FERMT3: variants seen among roughly 807,000 people sequenced by gnomAD.
The protein encoded by FERMT3 is fermitin family homolog 3.
A neutral mutation model predicts 80.8 loss-of-function variants in FERMT3; 33 were observed. That is an observed-to-expected ratio of 0.41 (90% CI 0.31 to 0.55). The LOEUF (loss-of-function observed/expected upper bound fraction) is 0.55, where lower values mean the gene tolerates loss of function less well. FERMT3 is among the 20% of genes least tolerant of loss of function. FERMT3 has a pLI of 0.31. For missense variants in FERMT3, 754 were observed against 908.7 expected, an observed-to-expected ratio of 0.83 and a Z score of 2.19; for synonymous variants, 375 against 372.2, an observed-to-expected ratio of 1.01 and a Z score of -0.09.
chr11:64,216,413 C>G (rs1946551190), intron 6 of FERMT3, among the ~76,000 whole-genome samples: 1 of 150,030 alleles, frequency 6.7e-6, no homozygotes. Flanking sequence ...ATTGGCCAGG[C>G]TGGTCTCAAA....
rs770718777 is a variant in FERMT3 at position 64,211,630 on chromosome 11, T to G, written c.684-15T>G. 1.9e-6 allele frequency: 3 copies of G among 1,613,032 alleles called. No individual in the cohort carries two copies. Among genetic ancestry groups the G allele is most frequent in the Non-Finnish European group, 2.5e-6 (3 of 1,179,858 alleles). On this transcript the variant is annotated splice_polypyrimidine_tract_variant and intron_variant, in intron 5 of 14. Coordinates refer to ENST00000345728, the MANE Select transcript of FERMT3 (RefSeq NM_031471.6). This position sits in a 1 kb window ranked among gnomAD's most constrained non-coding sequence, Gnocchi z 4.7. ...ACCTGGCGCAGCCCTGACTGCTGCT[T>G]CTGCCGCGGCCCAGGTGGCTGGACT...
upstream of FERMT3, among the ~76,000 whole-genome samples, chr11:64,205,948 G>A (rs551136230): frequency 1.2e-4 from 18 of 152,342 alleles, no homozygotes; most frequent in African/African-American, 4.1e-4. Flanking sequence ...AGCTGGTGGC[G>A]GACGTGCCTT....
rs1946438260 is a variant in FERMT3, at chr11:64,211,499, CCT to C, written c.683+57_683+58del. 4 of 1,527,840 alleles carry C rather than the reference CCT, an allele frequency of 2.6e-6. No homozygotes were observed. In the South Asian group the frequency reaches 3.6e-5, roughly 14 times the overall value. The allele number at this position is 1,527,840 out of a possible 1,614,324, so 94.6% of individuals were successfully genotyped here. The stretch of plus-strand genomic sequence containing the variant: ...GGGCTCCCCCACCCAGGATCCACCC[CCT>C]GTCCCGTGTCTGTGCCCACCCCAGA... On this transcript the variant is annotated intron_variant, in intron 5 of 14. Transcript: ENST00000345728. This position sits in a 1 kb window ranked among gnomAD's most constrained non-coding sequence, Gnocchi z 4.7.
rs1294902127 is a variant in FERMT3 at position 64,219,326 on chromosome 11, G to A, written c.862G>A (p.Glu288Lys). The A allele has an allele frequency of 2.5e-6, 4 of 1,607,838 alleles. No homozygotes were observed. The highest frequency in any genetic ancestry group is 2.2e-5 in the East Asian group (1 of 44,482). The change falls in exon 7 of 15, where the codon GAG (glutamate) becomes AAG (lysine). Residue 288 changes from glutamate (E) to lysine (K), a missense_variant. Transcript: ENST00000345728. This position sits in a 1 kb window ranked among gnomAD's most constrained non-coding sequence, Gnocchi z 4.0. ...DLLLEEIDCT[E>K]EEMMVFAALQ... Reference sequence around the variant, plus strand: ...GCTGCTGGAGGAGATTGACTGCACCGAGGAGGAGATGATGGTGTTTGCCGC... The same window carrying A: ...GCTGCTGGAGGAGATTGACTGCACCAAGGAGGAGATGATGGTGTTTGCCGC...
chr11:64,220,660 G>A lies in FERMT3; in HGVS notation c.1536G>A (p.Lys512=). ...LVAPRFQRKF[K]AKQLTPRILE... is the part of the protein sequence containing the mutation. ...CCCCCCGTTTCCAGCGAAAGTTCAA[G>A]GCCAAGCAGGTACCAGAAGGCGTCA... Residue 512 remains lysine, a synonymous_variant, in exon 12 of 15, where the codon AAG becomes AAA. Transcript: ENST00000345728. 1 of 1,610,730 alleles carries A rather than the reference G, an allele frequency of 6.2e-7. No homozygotes were observed. Among genetic ancestry groups the A allele is most frequent in the Non-Finnish European group, 8.5e-7 (1 of 1,178,942 alleles).
At chr11:64,215,233 A>G (rs1946524926) in intron 6 of FERMT3, among the ~76,000 whole-genome samples, 1 of 152,116 alleles carries the variant, frequency 6.6e-6, no homozygotes, top group Non-Finnish European at 1.5e-5. Context: ...TCCTCCTCCC[A>G]CACCCCGACC....
Position 64,219,540 on chromosome 11 carries a change from T to C in FERMT3, c.911T>C (p.Leu304Pro). ...ACCACCTAGTACCACATCAACAAGC[T>C]GTCCCAGAGCGGGGAGGTGGGGGAG... Reference protein sequence around the residue: ...FAALQYHINKLSQSGEVGEPA... With the variant: ...FAALQYHINKPSQSGEVGEPA... Residue 304 changes from leucine (L) to proline (P), a missense_variant, in exon 8 of 15, where the codon CTG becomes CCG. Transcript: ENST00000345728. The surrounding 1 kb of genome is among the most constrained non-coding windows in gnomAD (Gnocchi z 4.0). 1.2e-6 allele frequency: 2 copies of C among 1,609,252 alleles called. No homozygotes were observed. Among genetic ancestry groups the C allele is most frequent in the Non-Finnish European group, 1.7e-6 (2 of 1,178,650 alleles).
intron 10 of FERMT3, 56 bp from the exon 11 acceptor site, chr11:64,220,164 A>T: frequency 1.3e-6 from 2 of 1,581,836 alleles, no homozygotes; most frequent in Non-Finnish European, 1.7e-6. Context: ...GCACTCCAGG[A>T]CCTCAGGCGG....
chr11:64,221,064 C>T lies in FERMT3; in HGVS notation c.1594C>T (p.Leu532=). The T allele has an allele frequency of 1.9e-6, 3 of 1,612,676 alleles. No homozygotes were observed. Among genetic ancestry groups the T allele is most frequent in the South Asian group, 1.1e-5 (1 of 91,090 alleles). The change falls in exon 13 of 15, where the codon CTG becomes TTG. Residue 532 remains leucine, a synonymous_variant. Transcript: ENST00000345728. ...EAHQNVAQLS[L]AEAQLRFIQA... ...CCACCAGAATGTGGCCCAGTTGTCG[C>T]TGGCAGAGGCCCAGCTGCGCTTCAT...
At position 64,223,137 on chromosome 11, in the gene FERMT3, C is replaced by T; in HGVS notation, c.1760C>T (p.Thr587Ile). 6.2e-7 allele frequency: 1 copy of T among 1,613,960 alleles called. No homozygotes were observed. Among genetic ancestry groups the T allele is most frequent in the Non-Finnish European group, 8.5e-7 (1 of 1,180,044 alleles). Reference sequence around the variant, plus strand: ...TTGGCCGTGGGCGACGTGGTCAAGACCTGGCGTTTCAGCAACATGCGCCAG... The same window carrying T: ...TTGGCCGTGGGCGACGTGGTCAAGATCTGGCGTTTCAGCAACATGCGCCAG... ...IDLAVGDVVK[T>I]WRFSNMRQWN... The change falls in exon 14 of 15, where the codon ACC becomes ATC. Residue 587 changes from threonine to isoleucine, a missense_variant. Physicochemically the swap from Thr to Ile is moderately conservative, Grantham distance 89 (BLOSUM62 -1). Transcript: ENST00000345728.
chr11:64,220,570 C>G lies in FERMT3; in HGVS notation c.1446C>G (p.Gly482=). ...GCCTGCAGCGCACGGGCAGTGGGGG[C>G]CCGGGCAACCACCCCCACGGCCCTG... ...FLSLQRTGSG[G]PGNHPHGPDA... is the part of the protein sequence containing the mutation. Residue 482 remains glycine (G), a synonymous_variant, in exon 12 of 15, where the codon GGC becomes GGG. Coordinates refer to ENST00000345728, the MANE Select transcript of FERMT3 (RefSeq NM_031471.6). 1 of 1,607,860 alleles carries G rather than the reference C, an allele frequency of 6.2e-7. No homozygotes were observed. Among genetic ancestry groups the G allele is most frequent in the Non-Finnish European group, 8.5e-7 (1 of 1,177,530 alleles).
intron 14 of FERMT3, 40 bp from the exon 15 acceptor site, chr11:64,223,273 C>A (rs1326344623): frequency 6.2e-7 from 1 of 1,613,218 alleles, no homozygotes; most frequent in Admixed American, 1.7e-5. Flanking sequence ...GGGCTGCTCC[C>A]TTATCCCACC....
At chr11:64,206,220 C>T (rs946314040), upstream of FERMT3, among the ~76,000 whole-genome samples, 1 of 152,156 alleles carries the variant, frequency 6.6e-6, no homozygotes, top group South Asian at 2.1e-4. Flanking sequence ...TGAAGGTAGC[C>T]CTACGCGGAG....
intron 2 of FERMT3, chr11:64,207,813 C>T (rs1287099067): frequency 1.5e-5 from 5 of 343,316 alleles, no homozygotes; most frequent in South Asian, 3.8e-5. Context: ...TTGTCTGGGC[C>T]GAGGCTGAAG....
rs1946438483 is a variant in FERMT3 at position 64,211,505 on chromosome 11, C to A, written c.683+62C>A. 2 of 1,520,506 alleles carry A rather than the reference C, an allele frequency of 1.3e-6. No individual in the cohort carries two copies. The highest frequency in any genetic ancestry group is 1.8e-6 in the Non-Finnish European group (2 of 1,133,806). 94.2% of individuals were successfully genotyped at this position (1,520,506 alleles called of 1,614,324 possible). A position where few individuals can be genotyped will look rare whatever the true frequency, so the allele number is the denominator to read the frequency against. On this transcript the variant is annotated intron_variant, in intron 5 of 14. Coordinates refer to ENST00000345728, the MANE Select transcript of FERMT3 (RefSeq NM_031471.6). The surrounding 1 kb of genome is among the most constrained non-coding windows in gnomAD (Gnocchi z 4.7). ...CCCCACCCAGGATCCACCCCCTGTC[C>A]CGTGTCTGTGCCCACCCCAGATCCA... is the stretch of plus-strand genomic sequence containing the variant.
chr11:64,219,508 C>T lies in FERMT3; in HGVS notation c.895-16C>T. ...GGCTGCTGGACTCAGCCCTCCCTGGCTTCATGACCACCTAGTACCACATCA... is the reference window on the plus strand; with the variant it reads ...GGCTGCTGGACTCAGCCCTCCCTGGTTTCATGACCACCTAGTACCACATCA... On this transcript the variant is annotated splice_polypyrimidine_tract_variant and intron_variant, in intron 7 of 14. Coordinates refer to ENST00000345728, the MANE Select transcript of FERMT3 (RefSeq NM_031471.6). This position sits in a 1 kb window ranked among gnomAD's most constrained non-coding sequence, Gnocchi z 4.0. The T allele has an allele frequency of 1.3e-6, 2 of 1,592,898 alleles. No homozygotes were observed.
chr11:64,208,948 C>T (rs1331468766), intron 2 of FERMT3, among the ~76,000 whole-genome samples: 2 of 152,172 alleles, frequency 1.3e-5, no homozygotes, highest in East Asian at 3.9e-4. Flanking sequence ...AGGCGAAAGG[C>T]TGGTGGCGGC....
At chr11:64,218,749 T>G (rs1946606987) in intron 6 of FERMT3, among the ~76,000 whole-genome samples, 1 of 152,192 alleles carries the variant, frequency 6.6e-6, no homozygotes, top group African/African-American at 2.4e-5. Context: ...GGAATCCTCT[T>G]CCTTCACGCT....
chr11:64,208,630 T>C (rs563149836), intron 2 of FERMT3, among the ~76,000 whole-genome samples: 1 of 152,254 alleles, frequency 6.6e-6, no homozygotes, highest in Non-Finnish European at 1.5e-5. Flanking sequence ...GAGGGCGCTA[T>C]CATGGGGGCC....
Sources: gnomAD v4.1 joint callset for allele counts (sites outside exome capture counted in the v4.1 genomes callset) on GRCh38, gnomAD v4.1.1 for gene constraint, Gnocchi (gnomAD v3.1) non-coding constraint, MANE v1.5 for transcripts, NCBI Gene and HGNC (gene_info 2026-07-23, HGNC 2026-07-21) for gene names.